The following ABR variants were observed in gnomAD, a reference collection of about 807,000 sequenced individuals.
The protein encoded by ABR is ABR activator of RhoGEF and GTPase.
ABR carries 35 observed loss-of-function variants against 107.2 expected under a neutral mutation model. The observed-to-expected ratio is 0.33, with a 90% CI of 0.25 to 0.43. ABR has a LOEUF of 0.43. Ranked by LOEUF, ABR falls within the 20% of genes least tolerant of loss-of-function variation. The pLI, the probability that ABR is intolerant of heterozygous loss-of-function variation, is 1.00. For missense variants in ABR, 815 were observed against 1,115.2 expected, an observed-to-expected ratio of 0.73 and a Z score of 3.83; for synonymous variants, 498 against 462.0, an observed-to-expected ratio of 1.08 and a Z score of -1.00.
chr17:1,047,112 G>A (rs1266161727), intron 16 of ABR, among the ~76,000 whole-genome samples: 1 of 152,194 alleles, frequency 6.6e-6, no homozygotes, highest in Non-Finnish European at 1.5e-5. Flanking sequence ...GCTGGGAGGG[G>A]GCTTAGAGAG....
intron 6 of ABR, among the ~76,000 whole-genome samples, chr17:1,075,485 T>C (rs1178580757): frequency 1.3e-5 from 2 of 152,258 alleles, no homozygotes; most frequent in African/African-American, 4.8e-5. Flanking sequence ...AGCAATCTGC[T>C]GGCTGTGAAG....
At chr17:1,132,753 A>T (rs546041116) in intron 1 of ABR, among the ~76,000 whole-genome samples, 29 of 152,338 alleles carry the variant, frequency 1.9e-4, no homozygotes, top group African/African-American at 5.5e-4. Flanking sequence ...ATGAACAGAA[A>T]ATTTAAAAGA....
intron 16 of ABR, among the ~76,000 whole-genome samples, chr17:1,032,354 G>GT (rs1460377442): frequency 6.6e-6 from 1 of 152,204 alleles, no homozygotes; most frequent in Non-Finnish European, 1.5e-5. Context: ...GGTGAGAAAT[G>GT]TAAGGATAAA....
intron 1 of ABR, among the ~76,000 whole-genome samples, chr17:1,205,424 C>T (rs2042770643): frequency 6.6e-6 from 1 of 152,148 alleles, no homozygotes; most frequent in South Asian, 2.1e-4. Flanking sequence ...TCTGTAGGCT[C>T]CTTCTGGAGA....
chr17:1,051,170 C>T lies in ABR; in HGVS notation c.1562-536G>A, dbSNP rs1212062685. Among the ~76,000 whole-genome samples the T allele has an allele frequency of 1.3e-5, 2 of 152,174 alleles. No homozygotes were observed. The highest frequency in any genetic ancestry group is 2.1e-4 in the South Asian group (1 of 4,830). On this transcript the variant is annotated intron_variant, in intron 14 of 22. Transcript: ENST00000302538. This position sits in a 1 kb window ranked among gnomAD's most constrained non-coding sequence, Gnocchi z 4.3. ...CCCCTGCCGCGGTGACGACCAACAA[C>T]GCCCACATCCCCAAGCCCAGGGTGC... is the stretch of plus-strand genomic sequence containing the variant.
At chr17:1,185,323 C>T (rs1156537238) in intron 1 of ABR, among the ~76,000 whole-genome samples, 1 of 152,176 alleles carries the variant, frequency 6.6e-6, no homozygotes, top group African/African-American at 2.4e-5. Context: ...TCAAGAGTTT[C>T]CAGCCTCAGT....
chr17:1,193,788 T>C (rs1351304194), intron 1 of ABR, among the ~76,000 whole-genome samples: 1 of 152,102 alleles, frequency 6.6e-6, no homozygotes, highest in East Asian at 1.9e-4. Context: ...CCTCCCAGGT[T>C]GAAGCGATTC....
At chr17:1,228,782 G>A (rs2043273067) in intron 1 of ABR, 1 of 152,032 alleles carries the variant, frequency 6.6e-6, no homozygotes, top group Non-Finnish European at 1.5e-5. Flanking sequence ...GGGTCTGGGG[G>A]GGGCGCCCAC....
At position 1,005,003 on chromosome 17, in the gene ABR, C is replaced by A. The variant is rs1025606473; in HGVS notation, c.*1077G>T. The A allele has an allele frequency of 2.8e-5, 11 of 398,978 alleles. No homozygotes were observed. Among genetic ancestry groups the A allele is most frequent in the Non-Finnish European group, 4.4e-5 (10 of 226,262 alleles). The allele number at this position is 398,978 out of a possible 1,614,324, so 24.7% of individuals were successfully genotyped here. ...ACACCTGCTTCGGCCACATCAGTCA[C>A]CCTCCAGGAAGCCTGGCCCCTCTTG... On this transcript the variant is annotated 3_prime_UTR_variant, in exon 23 of 23. Transcript: ENST00000302538.
In ABR at chr17:1,006,058, C is replaced by G; in HGVS notation, c.*22G>C. The G allele has an allele frequency of 6.5e-7, 1 of 1,549,256 alleles. No homozygotes were observed. The highest frequency in any genetic ancestry group is 8.7e-7 in the Non-Finnish European group (1 of 1,144,224). ...CTGGAGGGGCTGGTTCCACCACCCGCCCGCAGCCACCCTGCCTCGGGCTAC... is the reference window on the plus strand; with the variant it reads ...CTGGAGGGGCTGGTTCCACCACCCGGCCGCAGCCACCCTGCCTCGGGCTAC... On this transcript the variant is annotated 3_prime_UTR_variant, in exon 23 of 23. Coordinates refer to ENST00000302538, the MANE Select transcript of ABR (RefSeq NM_021962.5).
chr17:1,010,128 GC>G lies in ABR; in HGVS notation c.2237-345del, dbSNP rs2070405879. 3.0e-6 allele frequency: 1 copy of G among 330,314 alleles called. No homozygotes were observed. Among genetic ancestry groups the G allele is most frequent in the African/African-American group, 2.1e-5 (1 of 48,702 alleles). The allele number at this position is 330,314 out of a possible 1,614,324, so 20.5% of individuals were successfully genotyped here. A position where few individuals can be genotyped will look rare whatever the true frequency, so the allele number is the denominator to read the frequency against. On this transcript the variant is annotated intron_variant, in intron 20 of 22. Coordinates refer to ENST00000302538, the MANE Select transcript of ABR (RefSeq NM_021962.5). The surrounding 1 kb of genome is among the most constrained non-coding windows in gnomAD (Gnocchi z 4.1). Reference sequence around the variant, plus strand: ...GGTTAAGCCAGTAGGGACATATCCTGCCAGCGGTGGATTCTCTTTCTCCACC... The same window carrying G: ...GGTTAAGCCAGTAGGGACATATCCTGCAGCGGTGGATTCTCTTTCTCCACC...
intron 16 of ABR, among the ~76,000 whole-genome samples, chr17:1,028,817 C>T (rs982358001): frequency 5.9e-5 from 9 of 152,168 alleles, no homozygotes; most frequent in Non-Finnish European, 1.3e-4. Flanking sequence ...GGGTCAGGAG[C>T]GTCTTGGACT....
intron 16 of ABR, among the ~76,000 whole-genome samples, chr17:1,049,446 G>A (rs944988063): frequency 4.6e-4 from 70 of 152,220 alleles, no homozygotes; most frequent in African/African-American, 1.5e-3. Flanking sequence ...GATTACAGGC[G>A]TGAGCCACCG....
At chr17:1,161,269 G>C (rs560799697) in intron 1 of ABR, among the ~76,000 whole-genome samples, 3 of 150,424 alleles carry the variant, frequency 2.0e-5, no homozygotes, top group African/African-American at 4.9e-5. Context: ...TTAAGACAAG[G>C]TCTCATTCCT....
intron 1 of ABR, among the ~76,000 whole-genome samples, chr17:1,170,500 G>A (rs2041667402): frequency 6.6e-6 from 1 of 152,154 alleles, no homozygotes; most frequent in African/African-American, 2.4e-5. Flanking sequence ...GCAACAGCGT[G>A]ATCTCAGGTC....
chr17:1,229,519 G>C (rs1252983878), exon 1 of ABR, among the ~76,000 whole-genome samples: 1 of 151,978 alleles, frequency 6.6e-6, no homozygotes, highest in Non-Finnish European at 1.5e-5. Context: ...TTGAGTCTGC[G>C]GCGCTCCAGC....
Position 1,008,451 on chromosome 17 carries a change from G to A in ABR, c.2343-1139C>T, listed in dbSNP as rs147848669. On this transcript the variant is annotated intron_variant, in intron 21 of 22. Transcript: ENST00000302538. ...GGGGCCAGCCCCTCACCACACGCGC[G>A]CACACGGTCCAGCCAGGGGCCCAGA... 4.1e-4 allele frequency among the ~76,000 whole-genome samples: 63 copies of A among 152,298 alleles called. 1 individual carries two copies. In the East Asian group the frequency reaches 0.01, roughly 24 times the overall value.
upstream of ABR, among the ~76,000 whole-genome samples, chr17:1,189,272 A>G (rs2042382084): frequency 6.6e-6 from 1 of 152,106 alleles, no homozygotes; most frequent in Admixed American, 6.6e-5. Flanking sequence ...TCTAACAGCA[A>G]CTGAAGGCTT....
intron 1 of ABR, among the ~76,000 whole-genome samples, chr17:1,159,204 T>A (rs201445584): frequency 1.3e-5 from 2 of 152,170 alleles, no homozygotes; most frequent in Non-Finnish European, 2.9e-5. Context: ...AAGAGAAGAA[T>A]GCGGTACTCA....
Sources: allele counts gnomAD v4.1 joint callset (sites outside exome capture counted in the v4.1 genomes callset), GRCh38; gene constraint gnomAD v4.1.1; non-coding constraint Gnocchi (gnomAD v3.1); transcripts MANE v1.5; gene names NCBI Gene and HGNC (gene_info 2026-07-23, HGNC 2026-07-21).